The following ZNF292 variants were observed in gnomAD, a reference collection of about 807,000 sequenced individuals.
ZNF292 encodes zinc finger protein 292, also known as 16 zinc-finger domain protein.
Under a neutral mutation model 217.9 loss-of-function variants are expected in ZNF292, and 26 were observed. The observed-to-expected ratio is 0.12, with a 90% confidence interval of 0.09 to 0.17. ZNF292 has a LOEUF of 0.17. Ranked by LOEUF, ZNF292 falls within the 10% of genes least tolerant of loss-of-function variation. ZNF292 has a pLI of 1.00. For missense variants in ZNF292, 2,904 were observed against 3,175.2 expected, an observed-to-expected ratio of 0.91 and a Z score of 2.05; for synonymous variants, 1,257 against 1,124.1, an observed-to-expected ratio of 1.12 and a Z score of -2.37.
intron 4 of ZNF292, among the ~76,000 whole-genome samples, chr6:87,222,038 C>A (rs1362560928): frequency 1.3e-5 from 2 of 152,062 alleles, no homozygotes; most frequent in Non-Finnish European, 2.9e-5. Context: ...CGTTTGTATA[C>A]TTTTTCTTTT....
Position 87,264,877 on chromosome 6 carries a change from G to C in ZNF292, c.*3076G>C, listed in dbSNP as rs1481618575. Among the ~76,000 whole-genome samples, 1 of 152,178 alleles carries C rather than the reference G, an allele frequency of 6.6e-6. No individual in the cohort carries two copies. The highest frequency in any genetic ancestry group is 1.5e-5 in the Non-Finnish European group (1 of 68,028). Reference sequence around the variant, plus strand: ...TAGTGGATAAATTGAGTAAGTTGGAGATTAATTAGGGGGACCTAAAATAGT... The same window carrying C: ...TAGTGGATAAATTGAGTAAGTTGGACATTAATTAGGGGGACCTAAAATAGT... On this transcript the variant is annotated 3_prime_UTR_variant, in exon 8 of 8. Transcript: ENST00000369577.
At chr6:87,174,532 G>T (rs1203637053) in intron 1 of ZNF292, among the ~76,000 whole-genome samples, 1 of 152,134 alleles carries the variant, frequency 6.6e-6, no homozygotes, top group Non-Finnish European at 1.5e-5. Context: ...GTTCTCTTCT[G>T]ACAGTATTTT....
chr6:87,246,470 T>C (rs1774590154), intron 7 of ZNF292, among the ~76,000 whole-genome samples: 1 of 152,210 alleles, frequency 6.6e-6, no homozygotes, highest in South Asian at 2.1e-4. Flanking sequence ...GAACTGATGC[T>C]GAGTCTCACC....
At chr6:87,213,876 T>G (rs1772611020) in intron 1 of ZNF292, 1 of 152,248 alleles carries the variant, frequency 6.6e-6, no homozygotes, top group Non-Finnish European at 1.5e-5. Flanking sequence ...GTAATTTTCT[T>G]CTTCTTTGGT....
At chr6:87,161,412 A>C (rs1770750650) in intron 1 of ZNF292, among the ~76,000 whole-genome samples, 1 of 152,144 alleles carries the variant, frequency 6.6e-6, no homozygotes, top group Non-Finnish European at 1.5e-5. Flanking sequence ...TTAACTAACA[A>C]ATTGTTTTGC....
rs1483010498 is a variant in ZNF292 at position 87,255,481 on chromosome 6, A to G, written c.1852A>G (p.Thr618Ala). Reference sequence around the variant, plus strand: ...GGGAAGGCCTCCAAAGATCACAACTACCAATGAAAATCAGAAGACTAATAC... The same window carrying G: ...GGGAAGGCCTCCAAAGATCACAACTGCCAATGAAAATCAGAAGACTAATAC... ...RLGRPPKITT[T>A]NENQKTNTVA... is the part of the protein sequence containing the mutation. The change falls in exon 8 of 8, where the codon ACC becomes GCC. Residue 618 changes from threonine (T) to alanine (A), a missense_variant. Thr to Ala is a moderately conservative substitution (Grantham distance 58, BLOSUM62 0). This residue lies in a region of ZNF292 where 216 missense variants were observed against 308.3 expected (regional missense o/e 0.70). Coordinates refer to ENST00000369577, the MANE Select transcript of ZNF292 (RefSeq NM_015021.3). 1 of 1,613,608 alleles carries G rather than the reference A, an allele frequency of 6.2e-7. No homozygotes were observed. Among genetic ancestry groups the G allele is most frequent in the Non-Finnish European group, 8.5e-7 (1 of 1,179,774 alleles).
At chr6:87,176,346 T>C (rs137900060) in intron 1 of ZNF292, among the ~76,000 whole-genome samples, 107 of 152,282 alleles carry the variant, frequency 7.0e-4, no homozygotes, top group African/African-American at 2.3e-3. Context: ...GGTAATAAAC[T>C]GGAGGGGAGC....
At chr6:87,218,373 T>C (rs1772894211) in intron 3 of ZNF292, among the ~76,000 whole-genome samples, 1 of 152,182 alleles carries the variant, frequency 6.6e-6, no homozygotes, top group Non-Finnish European at 1.5e-5. Context: ...AAATACAGAC[T>C]TACTTCTGTA....
chr6:87,245,246 A>G (rs1774512157), intron 6 of ZNF292, among the ~76,000 whole-genome samples: 1 of 152,212 alleles, frequency 6.6e-6, no homozygotes, highest in South Asian at 2.1e-4. Context: ...AGAAAAAAAA[A>G]AATGTTAGAT....
Position 87,259,563 on chromosome 6 carries a change from A to G in ZNF292, c.5934A>G (p.Glu1978=). 6.3e-7 allele frequency: 1 copy of G among 1,580,044 alleles called. No individual in the cohort carries two copies. The highest frequency in any genetic ancestry group is 8.6e-7 in the Non-Finnish European group (1 of 1,161,826). The stretch of plus-strand genomic sequence containing the variant: ...TGGTGCATCATTTTACAACTGAAGA[A>G]ATGGTAAAGTTAAAAATTAAAAGGC... ...CQLVHHFTTE[E]MVKLKIKRPY... is the part of the protein sequence containing the mutation. The change falls in exon 8 of 8, where the codon GAA becomes GAG. Residue 1978 remains glutamate, a synonymous_variant. Transcript: ENST00000369577.
At chr6:87,180,579 A>G (rs980130714) in intron 1 of ZNF292, among the ~76,000 whole-genome samples, 11 of 152,148 alleles carry the variant, frequency 7.2e-5, no homozygotes, top group Admixed American at 5.2e-4. Flanking sequence ...CTGCATGTCT[A>G]CTTACACTCA....
chr6:87,182,863 G>A (rs1771512165), intron 1 of ZNF292, among the ~76,000 whole-genome samples: 2 of 152,108 alleles, frequency 1.3e-5, no homozygotes, highest in Non-Finnish European at 2.9e-5. Flanking sequence ...ATCTTTTTGA[G>A]AGATTTTCTA....
intron 1 of ZNF292, among the ~76,000 whole-genome samples, chr6:87,193,891 A>G (rs1380110041): frequency 6.6e-6 from 1 of 152,248 alleles, no homozygotes; most frequent in Non-Finnish European, 1.5e-5. Flanking sequence ...GATCCCAAGC[A>G]TTTTGGATAA....
In ZNF292 at chr6:87,243,622, CTT is replaced by C. The variant is rs200888322; in HGVS notation, c.878+21_878+22del. ...TATGTACTGCGCTTGGTGAGTTGAT[CTT>C]TTTTTTTTTAAAGAAATATTTGTTA... On this transcript the variant is annotated intron_variant, in intron 6 of 7. Transcript: ENST00000369577. 36 of 1,163,114 alleles carry C rather than the reference CTT, an allele frequency of 3.1e-5. No homozygotes were observed. Among genetic ancestry groups the C allele is most frequent in the South Asian group, 1.7e-4 (9 of 52,172 alleles). 72.0% of individuals were successfully genotyped at this position (1,163,114 alleles called of 1,614,324 possible). A position where few individuals can be genotyped will look rare whatever the true frequency, so the allele number is the denominator to read the frequency against.
intron 1 of ZNF292, among the ~76,000 whole-genome samples, chr6:87,182,381 C>T (rs1771497091): frequency 6.6e-6 from 1 of 152,060 alleles, no homozygotes; most frequent in Admixed American, 6.6e-5. Context: ...AAATTTCCAC[C>T]TGGTTATTTC....
Position 87,216,038 on chromosome 6 carries a change from G to A in ZNF292, c.304G>A (p.Val102Ile). The change falls in exon 2 of 8, where the codon GTT becomes ATT. Residue 102 changes from valine to isoleucine, a missense_variant. By Grantham distance (29) the Val-to-Ile change is conservative. Transcript: ENST00000369577. ...LTSECENVAL[V>I]LERLALSCVE... ...CTCTGAATGTGAAAATGTAGCCTTG[G>A]TTCTGGAACGCTTGGCATTGTGAGT... 6.4e-7 allele frequency: 1 copy of A among 1,561,904 alleles called. No homozygotes were observed. Among genetic ancestry groups the A allele is most frequent in the Non-Finnish European group, 8.6e-7 (1 of 1,161,144 alleles).
At chr6:87,177,026 C>A (rs1771324657) in intron 1 of ZNF292, among the ~76,000 whole-genome samples, 1 of 152,056 alleles carries the variant, frequency 6.6e-6, no homozygotes, top group East Asian at 1.9e-4. Flanking sequence ...CACAGACACA[C>A]ACTTAAATTT....
At position 87,251,413 on chromosome 6, in the gene ZNF292, C is replaced by G. The variant is rs571137404; in HGVS notation, c.1021-3237C>G. ...CTTTAGGTCAAGGATACTAGGCAGC[C>G]AGAGGGAAAGAACAGAAAAGGCAAT... is the stretch of plus-strand genomic sequence containing the variant. On this transcript the variant is annotated intron_variant, in intron 7 of 7. Transcript: ENST00000369577. 3.5e-4 allele frequency among the ~76,000 whole-genome samples: 53 copies of G among 152,252 alleles called. No individual in the cohort carries two copies. In the South Asian group the frequency reaches 5.8e-3, roughly 17 times the overall value.
intron 1 of ZNF292, among the ~76,000 whole-genome samples, chr6:87,184,126 C>T (rs1325715496): frequency 6.6e-6 from 1 of 152,198 alleles, no homozygotes; most frequent in African/African-American, 2.4e-5. Flanking sequence ...TTAGAACTCT[C>T]TAAACCTTTA....
Sources: allele counts gnomAD v4.1 joint callset (sites outside exome capture counted in the v4.1 genomes callset), GRCh38; gene constraint gnomAD v4.1.1; regional missense constraint gnomAD v4.1.1; transcripts MANE v1.5; gene names NCBI Gene and HGNC (gene_info 2026-07-23, HGNC 2026-07-21).